ZNF800: variants seen among roughly 807,000 people sequenced by gnomAD.
ZNF800 encodes zinc finger protein 800.
A neutral mutation model predicts 59.5 loss-of-function variants in ZNF800; 13 were observed. The observed-to-expected ratio is 0.22, with a 90% CI of 0.14 to 0.35. The LOEUF is 0.35. ZNF800 is among the 10% of genes least tolerant of loss of function. The pLI is 1.00. For missense variants in ZNF800, 621 were observed against 783.7 expected, an observed-to-expected ratio of 0.79 and a Z score of 2.48; for synonymous variants, 266 against 265.7, an observed-to-expected ratio of 1.00 and a Z score of -0.01.
At chr7:127,391,079 C>T (rs1801296666) in intron 2 of ZNF800, among the ~76,000 whole-genome samples, 1 of 152,226 alleles carries the variant, frequency 6.6e-6, no homozygotes, top group African/African-American at 2.4e-5. Flanking sequence ...TTTAGACTTT[C>T]AGAACTACTT....
chr7:127,364,253 T>G (rs1377386419), intron 1 of ZNF800: 1 of 152,102 alleles, frequency 6.6e-6, no homozygotes. Context: ...GACCTTCAAG[T>G]GAACTTTCAA....
chr7:127,360,421 TCAGA>T (rs1800371285), intron 1 of ZNF800: 1 of 152,146 alleles, frequency 6.6e-6, no homozygotes, highest in Non-Finnish European at 1.5e-5. Flanking sequence ...TATTCTTGTT[TCAGA>T]CACTCTATTT....
rs1033283189 is a variant in ZNF800, at chr7:127,392,075, G to T, written c.-74C>A. ...CCCAACTTACTCAACTCTTAGGGCG[G>T]GCCGGCGGGCGGGCGGAAGGAAGGA... On this transcript the variant is annotated 5_prime_UTR_variant, in exon 1 of 6. Transcript: ENST00000265827. The T allele has an allele frequency of 1.1e-4, 44 of 391,234 alleles. No individual in the cohort carries two copies. Among genetic ancestry groups the T allele is most frequent in the Middle Eastern group, 1.3e-3 (2 of 1,576 alleles). 24.2% of individuals were successfully genotyped at this position (391,234 alleles called of 1,614,324 possible). A position where few individuals can be genotyped will look rare whatever the true frequency, so the allele number is the denominator to read the frequency against.
In ZNF800 at chr7:127,392,585, CT is replaced by C. The variant is rs1157950391; in HGVS notation, c.-585del. 4.7e-6 allele frequency: 1 copy of C among 213,568 alleles called. No individual in the cohort carries two copies. The highest frequency in any genetic ancestry group is 9.2e-6 in the Non-Finnish European group (1 of 108,546). 13.2% of individuals were successfully genotyped at this position (213,568 alleles called of 1,614,324 possible). On this transcript the variant is annotated 5_prime_UTR_variant, in exon 1 of 6. Coordinates refer to ENST00000265827, the MANE Select transcript of ZNF800 (RefSeq NM_176814.5). Reference sequence around the variant, plus strand: ...CGGTGGTAGTTGTTGTTTCAGGAAACTTTATTAAGTCAGCCTCTCTTTTACT... The same window carrying C: ...CGGTGGTAGTTGTTGTTTCAGGAAACTTATTAAGTCAGCCTCTCTTTTACT...
chr7:127,344,491 G>T (rs889687596), downstream of ZNF800, among the ~76,000 whole-genome samples: 6 of 151,954 alleles, frequency 3.9e-5, no homozygotes, highest in Non-Finnish European at 7.4e-5. Context: ...AATGGCAATA[G>T]AATTTCTTTT....
At chr7:127,387,117 C>T (rs1001840361) in intron 2 of ZNF800, among the ~76,000 whole-genome samples, 1 of 151,880 alleles carries the variant, frequency 6.6e-6, no homozygotes, top group Non-Finnish European at 1.5e-5. Flanking sequence ...TATATTATCC[C>T]TAATTCCCAA....
At chr7:127,367,464 G>A (rs932078529), downstream of ZNF800, among the ~76,000 whole-genome samples, 1 of 152,066 alleles carries the variant, frequency 6.6e-6, no homozygotes, top group Non-Finnish European at 1.5e-5. Flanking sequence ...CATAAAACAG[G>A]GATAATGAAA....
intron 2 of ZNF800, among the ~76,000 whole-genome samples, chr7:127,389,118 A>G (rs1801230309): frequency 1.3e-5 from 2 of 152,134 alleles, no homozygotes; most frequent in South Asian, 4.2e-4. Context: ...AGATCACTCT[A>G]TTTATGACGT....
chr7:127,376,950 T>G (rs1800803791), intron 4 of ZNF800, among the ~76,000 whole-genome samples: 1 of 151,980 alleles, frequency 6.6e-6, no homozygotes, highest in African/African-American at 2.4e-5. Flanking sequence ...ACCTCTTATA[T>G]GTCATCTTTA....
chr7:127,378,314 G>C (rs1800847349), intron 3 of ZNF800, among the ~76,000 whole-genome samples: 1 of 152,050 alleles, frequency 6.6e-6, no homozygotes, highest in South Asian at 2.1e-4. Flanking sequence ...ACAAACGGAA[G>C]GTCTTTAGTC....
intron 3 of ZNF800, among the ~76,000 whole-genome samples, chr7:127,379,836 A>ACCCCCCACCCCCCC (rs1800905580): frequency 2.2e-4 from 6 of 27,636 alleles, no homozygotes; most frequent in Non-Finnish European, 2.7e-4. Flanking sequence ...TACCCTTGCC[A>ACCCCCCACCCCCCC]CCCCCCCACC....
chr7:127,368,425 C>T (rs1800557805), downstream of ZNF800, among the ~76,000 whole-genome samples: 2 of 152,082 alleles, frequency 1.3e-5, no homozygotes, highest in Non-Finnish European at 2.9e-5. Flanking sequence ...CAGCCAATAT[C>T]CTGCTGCACA....
At chr7:127,391,887 G>A (rs1801332439) in intron 1 of ZNF800, among the ~76,000 whole-genome samples, 173 bp downstream of exon 1, 1 of 151,568 alleles carries the variant, frequency 6.6e-6, no homozygotes, top group African/African-American at 2.4e-5. Flanking sequence ...TCGCCGTCCC[G>A]GGCGGGCGCG....
At chr7:127,367,808 G>A (rs536616328), downstream of ZNF800, among the ~76,000 whole-genome samples, 3 of 152,212 alleles carry the variant, frequency 2.0e-5, 1 homozygote, top group South Asian at 6.2e-4. Flanking sequence ...GCTAGGCACC[G>A]TACAAAATTA....
Position 127,374,618 on chromosome 7 carries a change from T to A in ZNF800, c.718A>T (p.Asn240Tyr). ...TGACGGCGAACACCTCGTCTAGAAT[T>A]GAATTCTTTTCTACAAAGACAACAT... ...LICCLCRKEF[N>Y]SRRGVRRHIR... The change falls in exon 5 of 6, where the codon AAT becomes TAT. Residue 240 changes from asparagine to tyrosine, a missense_variant. Physicochemically the swap from Asn to Tyr is moderately radical, Grantham distance 143. Around this residue, in one of 7 missense-constraint regions of ZNF800, gnomAD observed 218 missense variants for 230.8 expected, o/e 0.94. Transcript: ENST00000265827. 3 of 1,614,112 alleles carry A rather than the reference T, an allele frequency of 1.9e-6. No individual in the cohort carries two copies. The highest frequency in any genetic ancestry group is 2.5e-6 in the Non-Finnish European group (3 of 1,179,968).
At chr7:127,362,014 T>C (rs984995897) in intron 1 of ZNF800, 1 of 152,096 alleles carries the variant, frequency 6.6e-6, no homozygotes, top group Non-Finnish European at 1.5e-5. Context: ...AGCTACATAG[T>C]GAAGGCCCTA....
rs1270292302 is a variant in ZNF800 at position 127,374,062 on chromosome 7, T to C, written c.1274A>G (p.His425Arg). ...SVESSPPSIT[H>R]SPQNELKGTN... is the part of the protein sequence containing the mutation. ...TCCCTTTAATTCATTCTGTGGAGAA[T>C]GGGTAATGGAAGGGGGTGAAGATTC... The change falls in exon 5 of 6, where the codon CAT becomes CGT. Residue 425 changes from histidine to arginine, a missense_variant. Physicochemically the swap from His to Arg is conservative, Grantham distance 29. Transcript: ENST00000265827. The C allele has an allele frequency of 6.2e-7, 1 of 1,614,122 alleles. No individual in the cohort carries two copies. Among genetic ancestry groups the C allele is most frequent in the East Asian group, 2.2e-5 (1 of 44,882 alleles).
chr7:127,378,745 A>AGG (rs141323395), intron 3 of ZNF800, among the ~76,000 whole-genome samples: 4 of 151,764 alleles, frequency 2.6e-5, no homozygotes, highest in Admixed American at 6.6e-5. Flanking sequence ...AGAGAGAGAG[A>AGG]GGGAGATAAT....
chr7:127,385,362 C>G (rs555832441), intron 3 of ZNF800, among the ~76,000 whole-genome samples: 1 of 152,126 alleles, frequency 6.6e-6, no homozygotes, highest in African/African-American at 2.4e-5. Context: ...ATCACAGCAA[C>G]CTAACATCTT....
Sources: allele counts gnomAD v4.1 joint callset (sites outside exome capture counted in the v4.1 genomes callset), GRCh38; gene constraint gnomAD v4.1.1; regional missense constraint gnomAD v4.1.1; transcripts MANE v1.5; gene names NCBI Gene and HGNC (gene_info 2026-07-23, HGNC 2026-07-21).